NUP205: variants seen among roughly 807,000 people sequenced by gnomAD.
NUP205 encodes the protein nuclear pore complex protein Nup205.
A neutral mutation model predicts 253.8 loss-of-function variants in NUP205; 76 were observed. The ratio of observed to expected loss-of-function variants is 0.30; its 90% CI spans 0.25 to 0.36. The LOEUF (loss-of-function observed/expected upper bound fraction) is 0.36. Ranked by LOEUF, NUP205 falls within the 10% of genes least tolerant of loss-of-function variation. The pLI, the probability that NUP205 is intolerant of heterozygous loss-of-function variation, is 1.00. For missense variants in NUP205, 2,162 were observed against 2,425.5 expected (o/e 0.89, Z 2.28); for synonymous variants, 832 against 850.1 (o/e 0.98, Z 0.37).
intron 30 of NUP205, among the ~76,000 whole-genome samples, chr7:135,622,164 C>T (rs1446570018): frequency 4.0e-5 from 6 of 151,488 alleles, no homozygotes; most frequent in Non-Finnish European, 5.9e-5. Flanking sequence ...GTGGCTCACA[C>T]CTGTAATCCC....
At chr7:135,616,988 C>G (rs1359979090) in intron 25 of NUP205, 102 bp from the exon 26 acceptor site, 6 of 872,654 alleles carry the variant, frequency 6.9e-6, no homozygotes, top group South Asian at 1.9e-5. Context: ...ATTTTATGCT[C>G]TTTCTGAAAA....
intron 19 of NUP205, among the ~76,000 whole-genome samples, chr7:135,605,217 A>G (rs915900342): frequency 6.6e-6 from 1 of 152,038 alleles, no homozygotes; most frequent in Admixed American, 6.6e-5. Context: ...GGGTTTTACC[A>G]TGTTACCCAG....
Position 135,587,972 on chromosome 7 carries a change from C to A in NUP205, c.1453C>A (p.Gln485Lys). 4 of 1,613,402 alleles carry A rather than the reference C, an allele frequency of 2.5e-6. No individual in the cohort carries two copies. Among genetic ancestry groups the A allele is most frequent in the Non-Finnish European group, 3.4e-6 (4 of 1,179,778 alleles). ...IMGSYLGVAH[Q>K]RPPQRQVVLS... ...GGGCTCTTATCTAGGGGTGGCTCAT[C>A]AGCGGCCCCCTCAACGCCAGGTGAG... is the stretch of plus-strand genomic sequence containing the variant. The change falls in exon 10 of 43, where the codon CAG becomes AAG. Residue 485 changes from glutamine (Q) to lysine (K), a missense_variant. By Grantham distance (53) the Gln-to-Lys change is moderately conservative (BLOSUM62 1). Coordinates refer to ENST00000285968, the MANE Select transcript of NUP205 (RefSeq NM_015135.3).
intron 3 of NUP205, among the ~76,000 whole-genome samples, chr7:135,575,929 ATGGGCAT>A (rs1286029610): frequency 6.6e-6 from 1 of 152,226 alleles, no homozygotes; most frequent in African/African-American, 2.4e-5. Flanking sequence ...AGATAGTAAA[ATGGGCAT>A]TGAATAAAAT....
chr7:135,562,916 T>C (rs1444462570), intron 1 of NUP205, among the ~76,000 whole-genome samples: 1 of 152,162 alleles, frequency 6.6e-6, no homozygotes, highest in Non-Finnish European at 1.5e-5. Flanking sequence ...GTACTGCAGC[T>C]CTCTTGGCCT....
Position 135,618,522 on chromosome 7 carries a change from G to A in NUP205, c.3882G>A (p.Leu1294=). Residue 1294 remains leucine (L), a synonymous_variant, in exon 28 of 43, where the codon CTG becomes CTA. Transcript: ENST00000285968. Reference sequence around the variant, plus strand: ...GGAGGCAACTAGTAGAAATTATACTGACAGCTTGTCCCCAGGACCTCATTC... The same window carrying A: ...GGAGGCAACTAGTAGAAATTATACTAACAGCTTGTCCCCAGGACCTCATTC... ...ESWRQLVEII[L]TACPQDLIQA... 1 of 1,614,010 alleles carries A rather than the reference G, an allele frequency of 6.2e-7. No homozygotes were observed. The highest frequency in any genetic ancestry group is 8.5e-7 in the Non-Finnish European group (1 of 1,179,958).
intron 10 of NUP205, among the ~76,000 whole-genome samples, chr7:135,588,624 A>G (rs1042300930): frequency 1.3e-5 from 2 of 150,934 alleles, no homozygotes; most frequent in South Asian, 4.2e-4. Context: ...TATGATGACC[A>G]GGCTGGTCTG....
intron 1 of NUP205, among the ~76,000 whole-genome samples, chr7:135,570,781 ATTATAT>A (rs1805960963): frequency 3.8e-5 from 2 of 52,172 alleles, no homozygotes; most frequent in African/African-American, 1.8e-4. Flanking sequence ...ATATATATTA[ATTATAT>A]TTATATATTA....
chr7:135,572,627 T>A (rs1260200773), intron 2 of NUP205, among the ~76,000 whole-genome samples: 2 of 152,224 alleles, frequency 1.3e-5, no homozygotes, highest in Non-Finnish European at 2.9e-5. Context: ...AGCGGTGCGA[T>A]CTTGGCTCAC....
intron 7 of NUP205, among the ~76,000 whole-genome samples, chr7:135,580,381 C>A (rs1806272610): frequency 6.6e-6 from 1 of 152,034 alleles, no homozygotes; most frequent in South Asian, 2.1e-4. Flanking sequence ...CTGTACGTAC[C>A]CTCATCATTT....
At chr7:135,575,129 T>C (rs1194713581) in intron 3 of NUP205, among the ~76,000 whole-genome samples, 1 of 152,250 alleles carries the variant, frequency 6.6e-6, no homozygotes, top group Non-Finnish European at 1.5e-5. Flanking sequence ...CATATTCTAA[T>C]AATTGAGAAT....
Position 135,648,532 on chromosome 7 carries a change from C to A in NUP205, c.6015C>A (p.Gly2005=). ...FIQALVRRIR[G]LLRISRN is the part of the protein sequence containing the mutation. The stretch of plus-strand genomic sequence containing the variant: ...AGGCTCTTGTCAGACGTATCCGTGG[C>A]CTCTTGAGGATATCAAGGAACTGAG... Residue 2005 remains glycine (G), a synonymous_variant, in exon 43 of 43, where the codon GGC becomes GGA. Coordinates refer to ENST00000285968, the MANE Select transcript of NUP205 (RefSeq NM_015135.3). The A allele has an allele frequency of 6.3e-7, 1 of 1,582,010 alleles. No individual in the cohort carries two copies. Among genetic ancestry groups the A allele is most frequent in the Non-Finnish European group, 8.6e-7 (1 of 1,168,284 alleles).
chr7:135,609,345 G>A (rs570342867), intron 22 of NUP205, among the ~76,000 whole-genome samples: 1 of 151,986 alleles, frequency 6.6e-6, no homozygotes, highest in South Asian at 2.1e-4. Context: ...GGGCATGGTG[G>A]CTGGCACCTG....
chr7:135,633,752 T>A (rs1257437021), intron 35 of NUP205, among the ~76,000 whole-genome samples: 1 of 152,196 alleles, frequency 6.6e-6, no homozygotes, highest in Non-Finnish European at 1.5e-5. Context: ...CCCATTTTTG[T>A]CCATTTGAAC....
chr7:135,570,246 T>C (rs1805918970), intron 1 of NUP205, among the ~76,000 whole-genome samples: 1 of 151,888 alleles, frequency 6.6e-6, no homozygotes, highest in South Asian at 2.1e-4. Context: ...GGGGTTTTGA[T>C]CCTGTCGGCC....
chr7:135,558,471 G>A (rs544290999), intron 1 of NUP205, among the ~76,000 whole-genome samples: 5 of 152,344 alleles, frequency 3.3e-5, no homozygotes, highest in Non-Finnish European at 7.3e-5. Context: ...GAAGAGGGTG[G>A]CGGGGCTTCA....
intron 36 of NUP205, among the ~76,000 whole-genome samples, chr7:135,636,320 T>C (rs574222494): frequency 6.6e-6 from 1 of 152,312 alleles, no homozygotes; most frequent in African/African-American, 2.4e-5. Context: ...TTTCATGCGC[T>C]GTTTTTCAAG....
At chr7:135,613,418 T>A (rs1453205709) in intron 22 of NUP205, among the ~76,000 whole-genome samples, 1 of 152,022 alleles carries the variant, frequency 6.6e-6, no homozygotes, top group East Asian at 1.9e-4. Context: ...ATCTTCTTTG[T>A]AATTTCTGCA....
intron 18 of NUP205, among the ~76,000 whole-genome samples, chr7:135,603,364 C>A (rs1438151186): frequency 6.6e-6 from 1 of 152,018 alleles, no homozygotes; most frequent in African/African-American, 2.4e-5. Context: ...CTGCCCGCCT[C>A]AGCCTCCCAA....
Sources: allele counts gnomAD v4.1 joint callset (sites outside exome capture counted in the v4.1 genomes callset), GRCh38; gene constraint gnomAD v4.1.1; transcripts MANE v1.5; gene names NCBI Gene and HGNC (gene_info 2026-07-23, HGNC 2026-07-21).